FARS2: variants seen among roughly 807,000 people sequenced by gnomAD.
FARS2 encodes phenylalanine--tRNA ligase, mitochondrial.
Under a neutral mutation model 46.4 loss-of-function variants are expected in FARS2, and 40 were observed. The observed-to-expected ratio is 0.86, with a 90% CI of 0.67 to 1.12. The LOEUF is 1.12. Among genes scored for constraint, FARS2 ranks in the 50% most tolerant of loss-of-function variants. The probability of loss-of-function intolerance (pLI) is 0.00; values close to 1 mark genes in which losing one functional copy is unlikely to be tolerated. For missense variants in FARS2, 513 were observed against 567.9 expected (o/e 0.90, Z 0.98); for synonymous variants, 234 against 214.9 (o/e 1.09, Z -0.78).
At chr6:5,654,142 C>A (rs1432517688) in intron 6 of FARS2, among the ~76,000 whole-genome samples, 1 of 152,154 alleles carries the variant, frequency 6.6e-6, no homozygotes, top group African/African-American at 2.4e-5. Flanking sequence ...GCCCTACGTC[C>A]ACAGAGGAGC....
At chr6:5,755,425 T>G (rs573971086) in intron 6 of FARS2, among the ~76,000 whole-genome samples, 2 of 152,100 alleles carry the variant, frequency 1.3e-5, no homozygotes, top group African/African-American at 4.8e-5. Flanking sequence ...CACTTATGAG[T>G]GAGAACATGT....
intron 1 of FARS2, among the ~76,000 whole-genome samples, chr6:5,344,414 T>G (rs1264012940): frequency 6.6e-6 from 1 of 152,194 alleles, no homozygotes; most frequent in East Asian, 1.9e-4. Context: ...TCTCTTTATG[T>G]CTTGGATAAT....
Position 5,261,557 on chromosome 6 carries a change from A to G in FARS2, c.-125A>G, listed in dbSNP as rs1045591184. 6.6e-6 allele frequency: 1 copy of G among 152,364 alleles called. No homozygotes were observed. Among genetic ancestry groups the G allele is most frequent in the Non-Finnish European group, 1.5e-5 (1 of 68,176 alleles). 9.4% of individuals were successfully genotyped at this position (152,364 alleles called of 1,614,324 possible). A position where few individuals can be genotyped will look rare whatever the true frequency, so the allele number is the denominator to read the frequency against. On this transcript the variant is annotated 5_prime_UTR_variant, in exon 1 of 7. Transcript: ENST00000274680. ...ATGGCAGCGCCCAGCGTGCGCGGGT[A>G]TCTCTGAAGTTGGGGTTTAAGATTC...
intron 4 of FARS2, among the ~76,000 whole-genome samples, chr6:5,439,901 G>T (rs1162136126): frequency 2.6e-5 from 4 of 151,748 alleles, no homozygotes; most frequent in Non-Finnish European, 5.9e-5. Flanking sequence ...AGTCAGTCTT[G>T]CCCCTTTTAG....
At chr6:5,396,809 G>A (rs912236704) in intron 2 of FARS2, among the ~76,000 whole-genome samples, 6 of 152,110 alleles carry the variant, frequency 3.9e-5, no homozygotes, top group African/African-American at 1.4e-4. Flanking sequence ...GTCAAACCTG[G>A]GCCCCTCACC....
At chr6:5,369,617 C>T (rs142529071) in intron 2 of FARS2, among the ~76,000 whole-genome samples, 97 of 152,172 alleles carry the variant, frequency 6.4e-4, no homozygotes, top group Non-Finnish European at 1.1e-3. Context: ...TTCTTAGGTA[C>T]CTTAGGGGCC....
chr6:5,298,193 G>A (rs1442459497), intron 1 of FARS2, among the ~76,000 whole-genome samples: 1 of 152,250 alleles, frequency 6.6e-6, no homozygotes, highest in East Asian at 1.9e-4. Context: ...CCTGGATGAT[G>A]CTGGTCTGCT....
rs186634574 is a variant in FARS2 at position 5,369,194 on chromosome 6, G to A, written c.612+12G>A. The A allele has an allele frequency of 5.0e-6, 8 of 1,600,082 alleles. No individual in the cohort carries two copies. In the Admixed American group the frequency reaches 1.3e-4, roughly 27 times the overall value. ...TCTCCAAGCATGAGGTGAGTCTTGA[G>A]ATGTTTCTCATCGCTGAAGGATGTC... On this transcript the variant is annotated intron_variant, in intron 2 of 6. Transcript: ENST00000274680.
At chr6:5,255,568 T>G in the FARS2 span, among the ~76,000 whole-genome samples, 1 of 152,190 alleles carries the variant, frequency 6.6e-6, no homozygotes, top group Admixed American at 6.5e-5. Context: ...CAGTAATATT[T>G]AAGAACGTAA....
At chr6:5,602,038 G>C (rs1310082161) in intron 5 of FARS2, among the ~76,000 whole-genome samples, 3 of 151,904 alleles carry the variant, frequency 2.0e-5, no homozygotes, top group African/African-American at 7.3e-5. Flanking sequence ...AGCTGAGAAA[G>C]AAAACCAAAA....
chr6:5,508,781 C>T (rs1441632091), intron 4 of FARS2, among the ~76,000 whole-genome samples: 8 of 152,208 alleles, frequency 5.3e-5, no homozygotes, highest in African/African-American at 7.2e-5. Context: ...GTACGCAGGG[C>T]GGACTGGAAT....
At chr6:5,580,537 C>T (rs755680661) in intron 5 of FARS2, among the ~76,000 whole-genome samples, 2 of 152,144 alleles carry the variant, frequency 1.3e-5, no homozygotes, top group Non-Finnish European at 2.9e-5. Context: ...ACCCACATGG[C>T]CAGCAGCAGC....
At chr6:5,541,305 T>C (rs1442959206) in intron 4 of FARS2, among the ~76,000 whole-genome samples, 1 of 152,202 alleles carries the variant, frequency 6.6e-6, no homozygotes, top group Non-Finnish European at 1.5e-5. Context: ...CATTCAAGTG[T>C]AGTATGTTTG....
chr6:5,755,529 T>C (rs141498677), intron 6 of FARS2, among the ~76,000 whole-genome samples: 46 of 152,344 alleles, frequency 3.0e-4, no homozygotes, highest in African/African-American at 1.1e-3. Context: ...TTATGCTCTT[T>C]CTTGTGGTTC....
chr6:5,420,021 A>T (rs1005759517), intron 3 of FARS2, among the ~76,000 whole-genome samples: 3 of 152,186 alleles, frequency 2.0e-5, no homozygotes, highest in African/African-American at 7.2e-5. Context: ...TTACAGTTCC[A>T]CCTGGCTGGG....
chr6:5,528,322 T>C (rs188392880), intron 4 of FARS2, among the ~76,000 whole-genome samples: 22 of 152,238 alleles, frequency 1.4e-4, no homozygotes, highest in Middle Eastern at 3.4e-3. Context: ...ATATATGTCA[T>C]TGTGCCTAGT....
intron 1 of FARS2, among the ~76,000 whole-genome samples, chr6:5,296,645 A>G (rs1295280908): frequency 6.6e-6 from 1 of 152,138 alleles, no homozygotes; most frequent in Non-Finnish European, 1.5e-5. Flanking sequence ...TAACCACTCT[A>G]GGAACTTCGT....
chr6:5,730,580 G>T (rs1334229459), intron 6 of FARS2, among the ~76,000 whole-genome samples: 2 of 152,028 alleles, frequency 1.3e-5, no homozygotes, highest in African/African-American at 4.8e-5. Context: ...TGTGTCACAA[G>T]GCAGTAATTC....
At chr6:5,666,943 T>C (rs1423838488) in intron 6 of FARS2, among the ~76,000 whole-genome samples, 3 of 152,180 alleles carry the variant, frequency 2.0e-5, no homozygotes, top group Non-Finnish European at 4.4e-5. Flanking sequence ...CTGGAGGACA[T>C]TATCCTTAGC....
Sources: allele counts gnomAD v4.1 joint callset (sites outside exome capture counted in the v4.1 genomes callset), GRCh38; gene constraint gnomAD v4.1.1; transcripts MANE v1.5; gene names NCBI Gene and HGNC (gene_info 2026-07-23, HGNC 2026-07-21).